Variants in RSRC1 observed in about 807,000 individuals in gnomAD.
RSRC1 encodes the protein arginine and serine rich coiled-coil 1.
A neutral mutation model predicts 49.1 loss-of-function variants in RSRC1; 39 were observed. That is an observed-to-expected ratio of 0.79 (90% CI 0.61 to 1.04). The LOEUF is 1.04. Among genes scored for constraint, RSRC1 ranks in the 50% least tolerant of loss-of-function variants. The probability of loss-of-function intolerance (pLI) is 0.00; values close to 1 mark genes in which losing one functional copy is unlikely to be tolerated. For synonymous variants in RSRC1, 143 were observed against 130.8 expected, an observed-to-expected ratio of 1.09 and a Z score of -0.63; for missense variants, 388 against 402.4, an observed-to-expected ratio of 0.96 and a Z score of 0.31.
chr3:158,195,623 G>T (rs975330184), intron 3 of RSRC1, among the ~76,000 whole-genome samples: 5 of 152,026 alleles, frequency 3.3e-5, no homozygotes, highest in African/African-American at 1.2e-4. Flanking sequence ...GGGTTTTTAT[G>T]GTTTTAGGTC....
chr3:158,387,208 A>T (rs954995253), intron 6 of RSRC1, among the ~76,000 whole-genome samples: 2 of 152,140 alleles, frequency 1.3e-5, no homozygotes, highest in African/African-American at 4.8e-5. Flanking sequence ...TTCTCTGAGT[A>T]CTACAGGCAA....
At chr3:158,394,617 A>T (rs1239743863) in intron 6 of RSRC1, among the ~76,000 whole-genome samples, 1 of 152,136 alleles carries the variant, frequency 6.6e-6, no homozygotes, top group Non-Finnish European at 1.5e-5. Flanking sequence ...AATACCTATG[A>T]ATGCAGCTAA....
At chr3:158,162,901 T>C (rs1483769928) in intron 3 of RSRC1, among the ~76,000 whole-genome samples, 2 of 152,162 alleles carry the variant, frequency 1.3e-5, no homozygotes, top group African/African-American at 4.8e-5. Context: ...AGAAATGATA[T>C]TCGTTAACTC....
chr3:158,173,751 C>G (rs1327022100), intron 3 of RSRC1, among the ~76,000 whole-genome samples: 4 of 151,936 alleles, frequency 2.6e-5, no homozygotes, highest in Non-Finnish European at 4.4e-5. Context: ...TGGTATATCT[C>G]TACCATGTAA....
chr3:158,198,416 G>A (rs1044242602), intron 3 of RSRC1, among the ~76,000 whole-genome samples: 1 of 152,094 alleles, frequency 6.6e-6, no homozygotes, highest in African/African-American at 2.4e-5. Flanking sequence ...CCTGAATACA[G>A]CACCCTGATG....
At chr3:158,265,965 C>T (rs1219570260) in intron 4 of RSRC1, among the ~76,000 whole-genome samples, 1 of 152,076 alleles carries the variant, frequency 6.6e-6, no homozygotes, top group African/African-American at 2.4e-5. Context: ...TGATTGAATT[C>T]CCACTGAAGC....
intron 4 of RSRC1, among the ~76,000 whole-genome samples, chr3:158,220,101 C>CATGAT (rs1228462317): frequency 1.3e-5 from 2 of 151,462 alleles, no homozygotes; most frequent in Admixed American, 1.3e-4. Context: ...CTAAAATGGC[C>CATGAT]ATGATAAACA....
At chr3:158,476,034 A>G (rs1382346665) in intron 7 of RSRC1, among the ~76,000 whole-genome samples, 2 of 152,212 alleles carry the variant, frequency 1.3e-5, no homozygotes, top group Non-Finnish European at 2.9e-5. Flanking sequence ...ATAAGAAAAC[A>G]AAACAGCCTT....
intron 3 of RSRC1, among the ~76,000 whole-genome samples, chr3:158,160,891 C>T (rs1364491823): frequency 6.6e-6 from 1 of 151,208 alleles, no homozygotes; most frequent in Admixed American, 6.6e-5. Flanking sequence ...ATATTACCTT[C>T]ATTTAACAGA....
chr3:158,525,688 A>G (rs1711972824), intron 7 of RSRC1, among the ~76,000 whole-genome samples: 1 of 152,052 alleles, frequency 6.6e-6, no homozygotes, highest in South Asian at 2.1e-4. Flanking sequence ...GATTTTAAAA[A>G]TTGCAGATAT....
chr3:158,263,878 C>A (rs549442892), intron 4 of RSRC1, among the ~76,000 whole-genome samples: 1 of 152,140 alleles, frequency 6.6e-6, no homozygotes, highest in Admixed American at 6.5e-5. Context: ...GAGTCTACAC[C>A]GATGTCACTT....
At chr3:158,269,930 A>T (rs1425411283) in intron 4 of RSRC1, among the ~76,000 whole-genome samples, 3 of 152,322 alleles carry the variant, frequency 2.0e-5, no homozygotes, top group Admixed American at 2.0e-4. Context: ...ATTTATGAAG[A>T]ACTTCTTTTA....
chr3:158,387,485 A>C (rs1241349440), intron 6 of RSRC1, among the ~76,000 whole-genome samples: 5 of 152,164 alleles, frequency 3.3e-5, no homozygotes, highest in African/African-American at 1.2e-4. Context: ...TTAAATAAAA[A>C]AATTAAGTCA....
At chr3:158,285,118 C>G (rs1384610448) in intron 4 of RSRC1, among the ~76,000 whole-genome samples, 1 of 152,114 alleles carries the variant, frequency 6.6e-6, no homozygotes, top group Non-Finnish European at 1.5e-5. Context: ...ATATGGCTAG[C>G]CAGTTTTCCC....
In RSRC1 at chr3:158,517,755, A is replaced by ATTTTTTT. The variant is rs766129663; in HGVS notation, c.653-19305_653-19299dup. Among the ~76,000 whole-genome samples the ATTTTTTT allele has an allele frequency of 4.6e-3, 161 of 35,102 alleles. 10 individuals carry two copies. Among genetic ancestry groups the ATTTTTTT allele is most frequent in the East Asian group, 9.8e-3 (9 of 916 alleles). 23.0% of individuals were successfully genotyped at this position (35,102 alleles called of 152,430 possible). A position where few individuals can be genotyped will look rare whatever the true frequency, so the allele number is the denominator to read the frequency against. On this transcript the variant is annotated intron_variant, in intron 7 of 9. Coordinates refer to ENST00000611884, the MANE Select transcript of RSRC1 (RefSeq NM_001271838.2). ...AGGTGTATACCACAACACCCAGCTA[A>ATTTTTTT]TTTTTTTTTTTTTTTTTTTTTTTTT...
intron 3 of RSRC1, among the ~76,000 whole-genome samples, chr3:158,155,634 G>A (rs1333154781): frequency 6.7e-6 from 1 of 148,782 alleles, no homozygotes; most frequent in Non-Finnish European, 1.5e-5. Context: ...GTAGAGATTG[G>A]GTTTCACCAT....
chr3:158,137,419 T>A (rs60717864), intron 3 of RSRC1, among the ~76,000 whole-genome samples: 1 of 142,388 alleles, frequency 7.0e-6, no homozygotes, highest in Admixed American at 7.0e-5. Flanking sequence ...TATATATATA[T>A]AATAACACTA....
At position 158,487,949 on chromosome 3, in the gene RSRC1, G is replaced by GGAAAAAAAAAAAAAAAAAAAAAAA. The variant is rs1553814781; in HGVS notation, c.652+26946_652+26947insGAAAAAAAAAAAAAAAAAAAAAAA. Among the ~76,000 whole-genome samples, 3 of 28,922 alleles carry GGAAAAAAAAAAAAAAAAAAAAAAA rather than the reference G, an allele frequency of 1.0e-4. 1 individual carries two copies. Among genetic ancestry groups the GGAAAAAAAAAAAAAAAAAAAAAAA allele is most frequent in the Non-Finnish European group, 6.0e-5 (1 of 16,530 alleles). The allele number at this position is 28,922 out of a possible 152,430, so 19.0% of individuals were successfully genotyped here. A position where few individuals can be genotyped will look rare whatever the true frequency, so the allele number is the denominator to read the frequency against. On this transcript the variant is annotated intron_variant, in intron 7 of 9. Transcript: ENST00000611884. ...TAGGAGACAAGAGACTCCATCTCAA[G>GGAAAAAAAAAAAAAAAAAAAAAAA]AAAAAAAAAAAAAAAAAAAAAAAAA...
chr3:158,511,559 T>C (rs1290727897), intron 7 of RSRC1, among the ~76,000 whole-genome samples: 1 of 152,198 alleles, frequency 6.6e-6, no homozygotes, highest in Admixed American at 6.5e-5. Flanking sequence ...TCTTTGCTAT[T>C]GTGAATAGTG....
Sources: gnomAD v4.1 joint callset for allele counts (sites outside exome capture counted in the v4.1 genomes callset) on GRCh38, gnomAD v4.1.1 for gene constraint, MANE v1.5 for transcripts, NCBI Gene and HGNC (gene_info 2026-07-23, HGNC 2026-07-21) for gene names.